The following FBXW12 variants were observed in gnomAD, a reference collection of about 807,000 sequenced individuals.
FBXW12 encodes the protein F-box/WD repeat-containing protein 12.
FBXW12 carries 43 observed loss-of-function variants against 55.3 expected under a neutral mutation model. That is an observed-to-expected ratio of 0.78 (90% CI 0.61 to 1.00). FBXW12 has a LOEUF of 1.00. FBXW12 is among the 50% of genes least tolerant of loss of function. The pLI is 0.00. For synonymous variants in FBXW12, 184 were observed against 203.8 expected, an observed-to-expected ratio of 0.90 and a Z score of 0.83; for missense variants, 524 against 560.5, an observed-to-expected ratio of 0.93 and a Z score of 0.66.
At chr3:48,372,940 G>A in intron 2 of FBXW12, 83 bp downstream of exon 2, 1 of 1,284,266 alleles carries the variant, frequency 7.8e-7, no homozygotes, top group Non-Finnish European at 1.1e-6. Context: ...GAATAGCAGA[G>A]GGTTACACTG....
rs778800245 is a variant in FBXW12, at chr3:48,394,675, A to G, written c.*16A>G. On this transcript the variant is annotated 3_prime_UTR_variant, in exon 11 of 11. Coordinates refer to ENST00000296438, the MANE Select transcript of FBXW12 (RefSeq NM_207102.2). Reference sequence around the variant, plus strand: ...GAATACGTAATATGGAAACTAACAAAATTGACCTTGCATCATCTTCTGCAA... The same window carrying G: ...GAATACGTAATATGGAAACTAACAAGATTGACCTTGCATCATCTTCTGCAA... The G allele has an allele frequency of 1.5e-6, 2 of 1,351,564 alleles. No individual in the cohort carries two copies. Among genetic ancestry groups the G allele is most frequent in the South Asian group, 2.5e-5 (2 of 81,204 alleles). 83.7% of individuals were successfully genotyped at this position (1,351,564 alleles called of 1,614,324 possible). A position where few individuals can be genotyped will look rare whatever the true frequency, so the allele number is the denominator to read the frequency against.
intron 10 of FBXW12, among the ~76,000 whole-genome samples, chr3:48,390,937 G>A (rs147152292): frequency 1.1e-4 from 17 of 151,812 alleles, no homozygotes; most frequent in Non-Finnish European, 2.4e-4. Flanking sequence ...TTCAGTTCCC[G>A]GAGCATTTTG....
chr3:48,376,004 G>A (rs1396021676), intron 5 of FBXW12, among the ~76,000 whole-genome samples: 1 of 42,670 alleles, frequency 2.3e-5, no homozygotes, highest in South Asian at 6.8e-4. Context: ...TTTTTTTTGA[G>A]ACAGTCTCAC....
chr3:48,391,483 G>A (rs1336552932), intron 10 of FBXW12, among the ~76,000 whole-genome samples: 2 of 152,050 alleles, frequency 1.3e-5, no homozygotes, highest in African/African-American at 2.4e-5. Flanking sequence ...CCTAGCTAGA[G>A]CAATCACTAC....
At chr3:48,386,664 G>A (rs2036852412) in intron 10 of FBXW12, among the ~76,000 whole-genome samples, 1 of 152,002 alleles carries the variant, frequency 6.6e-6, no homozygotes, top group Admixed American at 6.6e-5. Context: ...TCTTTTATCA[G>A]TGTTTTATAG....
intron 6 of FBXW12, 26 bp downstream of exon 6, chr3:48,378,552 G>T: frequency 1.3e-6 from 2 of 1,598,670 alleles, no homozygotes; most frequent in Non-Finnish European, 1.7e-6. Flanking sequence ...ATTTAGAGGG[G>T]ACCAAAAAAT....
chr3:48,389,439 C>T (rs1349717231), intron 10 of FBXW12, among the ~76,000 whole-genome samples: 5 of 152,110 alleles, frequency 3.3e-5, no homozygotes, highest in Non-Finnish European at 7.4e-5. Flanking sequence ...AGTACAGTGG[C>T]ACAATCTGGG....
At position 48,375,460 on chromosome 3, in the gene FBXW12, G is replaced by T. The variant is rs763061436; in HGVS notation, c.393G>T (p.Trp131Cys). 1.5e-5 allele frequency: 24 copies of T among 1,601,704 alleles called. No homozygotes were observed. Among genetic ancestry groups the T allele is most frequent in the Non-Finnish European group, 2.0e-5 (24 of 1,172,694 alleles). Residue 131 changes from tryptophan to cysteine, a missense_variant, in exon 5 of 11, where the codon TGG becomes TGT. Trp to Cys is a radical substitution (Grantham distance 215). Coordinates refer to ENST00000296438, the MANE Select transcript of FBXW12 (RefSeq NM_207102.2). Reference sequence around the variant, plus strand: ...CTCCAAAGCAAGAGCTTTGTGCCTGGGATGTGCAAGAGGTGAGTCTGGCCA... The same window carrying T: ...CTCCAAAGCAAGAGCTTTGTGCCTGTGATGTGCAAGAGGTGAGTCTGGCCA... The part of the protein sequence containing the change: ...SVSPKQELCA[W>C]DVQEGTMIWS...
intron 10 of FBXW12, among the ~76,000 whole-genome samples, chr3:48,390,224 T>C (rs758637788): frequency 6.6e-6 from 1 of 152,146 alleles, no homozygotes; most frequent in Non-Finnish European, 1.5e-5. Flanking sequence ...CCTGATACCA[T>C]ATAAATTTTA....
intron 8 of FBXW12, among the ~76,000 whole-genome samples, chr3:48,381,275 G>T (rs935761514): frequency 6.6e-6 from 1 of 152,056 alleles, no homozygotes; most frequent in African/African-American, 2.4e-5. Flanking sequence ...GCCTGCCTCG[G>T]CCTCCCAAAG....
intron 10 of FBXW12, among the ~76,000 whole-genome samples, chr3:48,383,799 C>T (rs994793619): frequency 1.3e-5 from 2 of 152,134 alleles, no homozygotes; most frequent in East Asian, 3.8e-4. Flanking sequence ...TTCAGTGATT[C>T]AGCACCATTT....
rs372625863 is a variant in FBXW12, at chr3:48,373,382, G to A, written c.128+37G>A. The A allele has an allele frequency of 1.9e-6, 3 of 1,613,604 alleles. No individual in the cohort carries two copies. The African/African-American group carries it at 4.0e-5, about 22-fold the overall frequency. On this transcript the variant is annotated intron_variant, in intron 3 of 10. Transcript: ENST00000296438. ...GAAAGGGCAAGGAGGGAAGGGGAGA[G>A]GAGATCATCTGACTGCGCACCCATG...
rs1299485655 is a variant in FBXW12 at position 48,373,337 on chromosome 3, C to T, written c.120C>T (p.Tyr40=). 4 of 1,614,044 alleles carry T rather than the reference C, an allele frequency of 2.5e-6. No individual in the cohort carries two copies. Among genetic ancestry groups the T allele is most frequent in the South Asian group, 2.2e-5 (2 of 91,078 alleles). The change falls in exon 3 of 11, where the codon TAC becomes TAT. Residue 40 remains tyrosine, a synonymous_variant. Coordinates refer to ENST00000296438, the MANE Select transcript of FBXW12 (RefSeq NM_207102.2). The part of the protein sequence containing the change: ...KHWNRIADSD[Y]LWRSLSLQRW... Reference sequence around the variant, plus strand: ...GGAATAGGATTGCAGACAGTGATTACCTGTGGAGGTAAGGGAAGGGAAAGG... The same window carrying T: ...GGAATAGGATTGCAGACAGTGATTATCTGTGGAGGTAAGGGAAGGGAAAGG...
chr3:48,374,414 G>A (rs1377079283), intron 4 of FBXW12, among the ~76,000 whole-genome samples: 1 of 150,142 alleles, frequency 6.7e-6, no homozygotes, highest in Non-Finnish European at 1.5e-5. Context: ...TGCAGCCTCT[G>A]TCTCCTGGGT....
chr3:48,373,705 G>C lies in FBXW12; in HGVS notation c.286G>C (p.Ala96Pro). The C allele has an allele frequency of 1.2e-6, 2 of 1,613,348 alleles. No homozygotes were observed. Among genetic ancestry groups the C allele is most frequent in the South Asian group, 2.2e-5 (2 of 91,022 alleles). ...NFIYKVTKNI[A>P]FETELAYLSG... ...TATCTACAAAGTAACTAAGAACATC[G>C]GTATGGGTATAGGTGCCCTAGAGGA... The change falls in exon 4 of 11, where the codon GCA becomes CCA. Residue 96 changes from alanine (A) to proline (P), a missense_variant and splice_region_variant. By Grantham distance (27) the Ala-to-Pro change is conservative. Transcript: ENST00000296438.
chr3:48,384,763 A>G (rs1018251123), intron 10 of FBXW12, among the ~76,000 whole-genome samples: 2 of 152,160 alleles, frequency 1.3e-5, no homozygotes, highest in Admixed American at 6.5e-5. Flanking sequence ...AAATTGATAT[A>G]AGCATATAGT....
rs1250915166 is a variant in FBXW12 at position 48,378,525 on chromosome 3, T to C, written c.614T>C (p.Met205Thr). The C allele has an allele frequency of 6.2e-7, 1 of 1,613,596 alleles. No individual in the cohort carries two copies. Among genetic ancestry groups the C allele is most frequent in the Non-Finnish European group, 8.5e-7 (1 of 1,179,936 alleles). ...AYLTKDGPFLMVGDAAGDIYT... is the reference protein window; with the variant it reads ...AYLTKDGPFLTVGDAAGDIYT... ...CTTACAAAGGATGGCCCATTCCTGA[T>C]GGTAAGTGAGCCCTGAATTTAGAGG... The change falls in exon 6 of 11, where the codon ATG (methionine) becomes ACG (threonine). Residue 205 changes from methionine to threonine, a missense_variant and splice_region_variant. Physicochemically the swap from Met to Thr is moderately conservative, Grantham distance 81. Coordinates refer to ENST00000296438, the MANE Select transcript of FBXW12 (RefSeq NM_207102.2).
Position 48,390,147 on chromosome 3 carries a change from G to C in FBXW12, c.1296-4413G>C, listed in dbSNP as rs958525710. ...TAGTATAGTTTGAAGTCAGATAATT[G>C]ATGTCTCTGGCTTTCTTCTTTTTCC... is the stretch of plus-strand genomic sequence containing the variant. On this transcript the variant is annotated intron_variant, in intron 10 of 10. Transcript: ENST00000296438. Among the ~76,000 whole-genome samples the C allele has an allele frequency of 5.3e-5, 8 of 152,096 alleles. No homozygotes were observed. In the South Asian group the frequency reaches 1.7e-3, roughly 32 times the overall value.
chr3:48,383,624 T>C (rs1209362030), intron 10 of FBXW12, among the ~76,000 whole-genome samples: 3 of 152,178 alleles, frequency 2.0e-5, no homozygotes, highest in African/African-American at 7.2e-5. Context: ...GCTTGGGGGA[T>C]TGTATCTATG....
Sources: gnomAD v4.1 joint callset for allele counts (sites outside exome capture counted in the v4.1 genomes callset) on GRCh38, gnomAD v4.1.1 for gene constraint, MANE v1.5 for transcripts, NCBI Gene and HGNC (gene_info 2026-07-23, HGNC 2026-07-21) for gene names.